The following TMC8 variants were observed in gnomAD, a reference collection of about 807,000 sequenced individuals.
TMC8 encodes the protein transmembrane channel-like protein 8.
Under a neutral mutation model 76.0 loss-of-function variants are expected in TMC8, and 71 were observed. The ratio of observed to expected loss-of-function variants is 0.93; its 90% confidence interval spans 0.77 to 1.14. TMC8 has a LOEUF of 1.14. Ranked by LOEUF, TMC8 falls within the 50% of genes most tolerant of loss-of-function variation. TMC8 has a pLI of 0.00. For missense variants in TMC8, 924 were observed against 947.9 expected, an observed-to-expected ratio of 0.97 and a Z score of 0.33; for synonymous variants, 433 against 433.8, an observed-to-expected ratio of 1.00 and a Z score of 0.02.
At chr17:78,139,743 A>C (rs1399671999) in intron 15 of TMC8, among the ~76,000 whole-genome samples, 2 of 149,910 alleles carry the variant, frequency 1.3e-5, no homozygotes, top group African/African-American at 2.5e-5. Flanking sequence ...AAAAAAAAAA[A>C]AAAAAAAAAA....
Position 78,140,899 on chromosome 17 carries a change from C to A in TMC8, c.1968C>A (p.Ser656Arg). The A allele has an allele frequency of 6.2e-7, 1 of 1,608,338 alleles. No individual in the cohort carries two copies. The highest frequency in any genetic ancestry group is 8.5e-7 in the Non-Finnish European group (1 of 1,178,158). The change falls in exon 16 of 16, where the codon AGC becomes AGA. Residue 656 changes from serine (S) to arginine (R), a missense_variant. Ser to Arg is a moderately radical substitution (Grantham distance 110). Coordinates refer to ENST00000318430, the MANE Select transcript of TMC8 (RefSeq NM_152468.5). ...GACTGCTGCCGGAGCCAGGCCCGAG[C>A]GACTCTCCGGGCCCCAAGTACCCTG... ...LSRLLPEPGPSDSPGPKYPAS... is the reference protein window; with the variant it reads ...LSRLLPEPGPRDSPGPKYPAS...
intron 15 of TMC8, 24 bp downstream of exon 15, chr17:78,139,264 G>A (rs1470847231): frequency 6.2e-7 from 1 of 1,612,346 alleles, no homozygotes; most frequent in East Asian, 2.2e-5. Flanking sequence ...GGGCTGGTGA[G>A]GGGACAGCAG....
chr17:78,131,013 G>A (rs978843221), intron 1 of TMC8, 162 bp downstream of exon 1: 2 of 185,116 alleles, frequency 1.1e-5, no homozygotes, highest in Non-Finnish European at 2.3e-5. Context: ...GGGACTGGAG[G>A]CTGGACCACA....
In TMC8 at chr17:78,137,287, C is replaced by T. The variant is rs781595931; in HGVS notation, c.1180C>T (p.Gln394Ter). The T allele has an allele frequency of 1.9e-6, 3 of 1,614,002 alleles. No homozygotes were observed. The highest frequency in any genetic ancestry group is 3.3e-5 in the Admixed American group (2 of 60,018). The change falls in exon 10 of 16, where the codon CAG becomes TAG. Residue 394 changes from glutamine (Q) to a stop codon, truncating the protein, a stop_gained. Transcript: ENST00000318430. LOFTEE classifies it high-confidence loss of function. ...SLGMFSVSLG[Q>*]TILCIGRDKS... ...GGGGATGTTCTCCGTCTCCCTGGGTCAGACCATACTGTGCATTGGCAGAGA... is the reference window on the plus strand; with the variant it reads ...GGGGATGTTCTCCGTCTCCCTGGGTTAGACCATACTGTGCATTGGCAGAGA...
At chr17:78,132,670 G>T in intron 4 of TMC8, 118 bp from the exon 5 acceptor site, 1 of 1,500,170 alleles carries the variant, frequency 6.7e-7, no homozygotes, top group South Asian at 1.1e-5. Context: ...CACGCCTTTG[G>T]CACATCCTCA....
chr17:78,139,362 G>T lies in TMC8; in HGVS notation c.1902+122G>T, dbSNP rs2075317422. 5.5e-6 allele frequency: 6 copies of T among 1,096,922 alleles called. No individual in the cohort carries two copies. The Admixed American group carries it at 6.0e-5, about 11-fold the overall frequency. The allele number at this position is 1,096,922 out of a possible 1,614,324, so 67.9% of individuals were successfully genotyped here. A position where few individuals can be genotyped will look rare whatever the true frequency, so the allele number is the denominator to read the frequency against. ...TGGGTTCTTCCCACTGGAGGGCGTG[G>T]CCTCAGGCTGAGAGTGAAGACGGGG... On this transcript the variant is annotated intron_variant, in intron 15 of 15. Coordinates refer to ENST00000318430, the MANE Select transcript of TMC8 (RefSeq NM_152468.5).
Position 78,131,518 on chromosome 17 carries a change from T to C in TMC8, c.-71T>C. ...GAGGCCATAGCCAAGGCCTTAAGGC[T>C]CATCCAACCGGGGACTCATATCCCC... On this transcript the variant is annotated 5_prime_UTR_variant, in exon 2 of 16. Coordinates refer to ENST00000318430, the MANE Select transcript of TMC8 (RefSeq NM_152468.5). 1 of 1,531,112 alleles carries C rather than the reference T, an allele frequency of 6.5e-7. No homozygotes were observed. The highest frequency in any genetic ancestry group is 8.7e-7 in the Non-Finnish European group (1 of 1,143,622). The allele number at this position is 1,531,112 out of a possible 1,614,324, so 94.8% of individuals were successfully genotyped here. A position where few individuals can be genotyped will look rare whatever the true frequency, so the allele number is the denominator to read the frequency against.
intron 8 of TMC8, 80 bp from the exon 9 acceptor site, chr17:78,134,790 A>G (rs1332518422): frequency 2.7e-5 from 44 of 1,602,746 alleles, no homozygotes; most frequent in Non-Finnish European, 3.6e-5. Flanking sequence ...CCAGAGTTAC[A>G]CTTTAGGGCA....
In TMC8 at chr17:78,133,843, T is replaced by G. The variant is rs1402702274; in HGVS notation, c.669-10T>G. On this transcript the variant is annotated splice_polypyrimidine_tract_variant and intron_variant, in intron 6 of 15. Coordinates refer to ENST00000318430, the MANE Select transcript of TMC8 (RefSeq NM_152468.5). ...CCTCCTCCAGCAGCCCCTGGTCTCC[T>G]GCCCCGCAGGATGGTGAAGGGGCTG... 6.2e-7 allele frequency: 1 copy of G among 1,613,008 alleles called. No homozygotes were observed. Among genetic ancestry groups the G allele is most frequent in the East Asian group, 2.2e-5 (1 of 44,880 alleles).
intron 9 of TMC8, among the ~76,000 whole-genome samples, chr17:78,135,400 C>T (rs1426063472): frequency 6.6e-6 from 1 of 152,210 alleles, no homozygotes; most frequent in African/African-American, 2.4e-5. Flanking sequence ...AGACCATCCT[C>T]ATCCCCCTTG....
chr17:78,140,249 G>A (rs1008371701), intron 15 of TMC8, among the ~76,000 whole-genome samples: 4 of 152,012 alleles, frequency 2.6e-5, no homozygotes, highest in African/African-American at 9.7e-5. Flanking sequence ...GCTTGAGCCT[G>A]AGAGGTCCAG....
intron 11 of TMC8, 45 bp downstream of exon 11, chr17:78,137,859 G>A (rs760406995): frequency 6.2e-7 from 1 of 1,605,202 alleles, no homozygotes; most frequent in Non-Finnish European, 8.5e-7. Flanking sequence ...GGTGCCGCGA[G>A]CATGTTGGGG....
intron 7 of TMC8, among the ~76,000 whole-genome samples, 182 bp downstream of exon 7, chr17:78,134,182 C>A (rs1033550920): frequency 6.6e-6 from 1 of 152,072 alleles, no homozygotes; most frequent in African/African-American, 2.4e-5. Flanking sequence ...CATGTGTGGC[C>A]GAGTGTGAGG....
At chr17:78,139,017 A>T (rs763825376) in intron 14 of TMC8, 145 bp from the exon 15 acceptor site, 1 of 1,574,094 alleles carries the variant, frequency 6.4e-7, no homozygotes, top group Non-Finnish European at 8.6e-7. Flanking sequence ...GAAGGAGAGG[A>T]GGGTCCCATC....
intron 10 of TMC8, 41 bp downstream of exon 10, chr17:78,137,399 T>C: frequency 6.2e-7 from 1 of 1,612,878 alleles, no homozygotes; most frequent in African/African-American, 1.3e-5. Context: ...CCCTTCCTTC[T>C]CCCCAAAAAG....
At position 78,131,894 on chromosome 17, in the gene TMC8, G is replaced by A. The variant is rs2074994150; in HGVS notation, c.162G>A (p.Glu54=). 2 of 1,462,272 alleles carry A rather than the reference G, an allele frequency of 1.4e-6. No homozygotes were observed. The highest frequency in any genetic ancestry group is 1.8e-6 in the Non-Finnish European group (2 of 1,113,928). 90.6% of individuals were successfully genotyped at this position (1,462,272 alleles called of 1,614,324 possible). Residue 54 remains glutamate (E), a synonymous_variant, in exon 3 of 16, where the codon GAG becomes GAA. Coordinates refer to ENST00000318430, the MANE Select transcript of TMC8 (RefSeq NM_152468.5). ...CACCCCCGTCCAGGCAGCTGCGGGA[G>A]CCCGCGGGGGTGCAGACCTTGCGCT... is the stretch of plus-strand genomic sequence containing the variant. The part of the protein sequence containing the change: ...MDKRLIWQLR[E]PAGVQTLRWQ...
chr17:78,132,632 T>G (rs952669545), intron 4 of TMC8, 124 bp downstream of exon 4: 10 of 1,502,950 alleles, frequency 6.7e-6, no homozygotes, highest in Middle Eastern at 1.8e-4. Context: ...CCCGGGGCTC[T>G]CTCTCCCTGA....
chr17:78,136,791 GTGGCCCACACC>G (rs2075244059), intron 9 of TMC8: 1 of 311,452 alleles, frequency 3.2e-6, no homozygotes, highest in African/African-American at 2.2e-5. Flanking sequence ...GCCAGGCGCC[GTGGCCCACACC>G]TGTAATCCCA....
chr17:78,131,637 G>A lies in TMC8; in HGVS notation c.49G>A (p.Glu17Lys). ...VSSERAPGVPEPEELWEAEME... is the reference protein window; with the variant it reads ...VSSERAPGVPKPEELWEAEME... The stretch of plus-strand genomic sequence containing the variant: ...ATCGGAGCGGGCCCCTGGGGTGCCG[G>A]AGCCGGAGGAGCTGTGGGAGGCAGA... The change falls in exon 2 of 16, where the codon GAG (glutamate) becomes AAG (lysine). Residue 17 changes from glutamate (E) to lysine (K), a missense_variant. Coordinates refer to ENST00000318430, the MANE Select transcript of TMC8 (RefSeq NM_152468.5). The A allele has an allele frequency of 8.4e-6, 13 of 1,555,946 alleles. No individual in the cohort carries two copies. The highest frequency in any genetic ancestry group is 1.1e-5 in the Non-Finnish European group (13 of 1,151,070).
Sources: allele counts gnomAD v4.1 joint callset (sites outside exome capture counted in the v4.1 genomes callset), GRCh38; gene constraint gnomAD v4.1.1; transcripts MANE v1.5; gene names NCBI Gene and HGNC (gene_info 2026-07-23, HGNC 2026-07-21).